EVL: variants seen among roughly 807,000 people sequenced by gnomAD.
EVL encodes the protein Enah/Vasp-like, also known as ena/VASP-like protein.
A neutral mutation model predicts 59.6 loss-of-function variants in EVL; 21 were observed. That is an observed-to-expected ratio of 0.35 (90% confidence interval 0.25 to 0.51). The LOEUF is 0.51. EVL is among the 20% of genes least tolerant of loss of function. EVL has a pLI of 0.97. For synonymous variants in EVL, 198 were observed against 203.5 expected (o/e 0.97, Z 0.23); for missense variants, 462 against 546.6 (o/e 0.85, Z 1.54).
At position 100,006,324 on chromosome 14, in the gene EVL, G is replaced by A. The variant is rs375492508; in HGVS notation, c.5+34267G>A. 1.0e-3 allele frequency among the ~76,000 whole-genome samples: 148 copies of A among 142,722 alleles called. 2 individuals are homozygous for A. Among genetic ancestry groups the A allele is most frequent in the African/African-American group, 3.5e-3 (134 of 38,048 alleles). 93.6% of individuals were successfully genotyped at this position (142,722 alleles called of 152,430 possible). A position where few individuals can be genotyped will look rare whatever the true frequency, so the allele number is the denominator to read the frequency against. On this transcript the variant is annotated intron_variant, in intron 1 of 13. Coordinates refer to the EVL transcript ENST00000402714. Reference sequence around the variant, plus strand: ...TTTTGAGACAGAGTTTCGTTCTGTCGCCCAGGCTGAAGTGCAGTGGTGCGA... The same window carrying A: ...TTTTGAGACAGAGTTTCGTTCTGTCACCCAGGCTGAAGTGCAGTGGTGCGA...
At chr14:100,017,986 C>T (rs2061065083) in intron 1 of EVL, among the ~76,000 whole-genome samples, 1 of 152,248 alleles carries the variant, frequency 6.6e-6, no homozygotes, top group South Asian at 2.1e-4. Context: ...AATGCATGTA[C>T]TGGATCACTC....
At chr14:100,093,856 A>C (rs1336913201) in intron 2 of EVL, among the ~76,000 whole-genome samples, 1 of 152,222 alleles carries the variant, frequency 6.6e-6, no homozygotes, top group Non-Finnish European at 1.5e-5. Flanking sequence ...CTGCAGGCTG[A>C]AAATATTAAT....
rs191576980 is a variant in EVL at position 100,081,212 on chromosome 14, C to T, written c.12-3475C>T. 9.0e-4 allele frequency among the ~76,000 whole-genome samples: 137 copies of T among 152,158 alleles called. 3 individuals carry two copies. In the East Asian group the frequency reaches 0.025, roughly 28 times the overall value. ...ATGCCTAGGGAGGGTGTGTATGATA[C>T]AGAGTTTGAGTATTTATCCAGGTGA... On this transcript the variant is annotated intron_variant, in intron 1 of 13. Coordinates refer to ENST00000392920, the MANE Select transcript of EVL (RefSeq NM_016337.3).
chr14:100,119,610 A>G (rs1420565179), intron 3 of EVL, among the ~76,000 whole-genome samples: 2 of 152,246 alleles, frequency 1.3e-5, no homozygotes, highest in Admixed American at 6.5e-5. Flanking sequence ...TTCCCGTCCA[A>G]CTCAGCAGAA....
At chr14:100,112,670 A>G (rs1216439170) in intron 3 of EVL, among the ~76,000 whole-genome samples, 2 of 152,102 alleles carry the variant, frequency 1.3e-5, no homozygotes, top group African/African-American at 4.8e-5. Context: ...TTTCTCCCCA[A>G]AACCTCAGGG....
At chr14:100,023,797 C>G (rs2061167278) in intron 1 of EVL, among the ~76,000 whole-genome samples, 1 of 152,140 alleles carries the variant, frequency 6.6e-6, no homozygotes, top group Non-Finnish European at 1.5e-5. Context: ...CTTAGACATC[C>G]TTCTACTGAA....
intron 1 of EVL, among the ~76,000 whole-genome samples, chr14:99,976,426 A>G (rs2060770676): frequency 6.6e-6 from 1 of 152,036 alleles, no homozygotes; most frequent in Non-Finnish European, 1.5e-5. Flanking sequence ...CTCCTTTAAC[A>G]TAGTATGTGT....
chr14:100,023,607 A>G (rs1025010849), intron 1 of EVL, among the ~76,000 whole-genome samples: 3 of 151,680 alleles, frequency 2.0e-5, no homozygotes, highest in South Asian at 4.2e-4. Context: ...GATTACAGAC[A>G]TGAGCCACCG....
intron 2 of EVL, among the ~76,000 whole-genome samples, chr14:100,091,850 G>C (rs1473750880): frequency 6.6e-6 from 1 of 152,162 alleles, no homozygotes; most frequent in Non-Finnish European, 1.5e-5. Flanking sequence ...CGTGGAACCT[G>C]ATGCTGTCTC....
chr14:100,006,877 CAG>C (rs908624046), intron 1 of EVL, among the ~76,000 whole-genome samples: 4 of 150,308 alleles, frequency 2.7e-5, no homozygotes, highest in Admixed American at 6.6e-5. Context: ...TTTGGGAAAT[CAG>C]AGATTCTCTG....
intron 1 of EVL, chr14:99,975,132 A>T (rs2060761695): frequency 6.6e-6 from 1 of 152,260 alleles, no homozygotes; most frequent in South Asian, 2.1e-4. Context: ...CTCCCACTGC[A>T]CTGGTCTCAT....
intron 1 of EVL, chr14:100,052,679 G>A (rs1192626922): frequency 1.3e-5 from 2 of 152,060 alleles, no homozygotes; most frequent in Non-Finnish European, 2.9e-5. Flanking sequence ...CTTGAACCCA[G>A]GAGGCAGAGG....
intron 2 of EVL, among the ~76,000 whole-genome samples, chr14:100,086,823 C>T (rs562182883): frequency 6.6e-6 from 1 of 152,290 alleles, no homozygotes; most frequent in African/African-American, 2.4e-5. Flanking sequence ...AGGAGACAGG[C>T]TATCAGACAG....
At position 100,128,759 on chromosome 14, in the gene EVL, C is replaced by T. The variant is rs1888247888; in HGVS notation, c.717+11C>T. The T allele has an allele frequency of 6.2e-7, 1 of 1,601,130 alleles. No individual in the cohort carries two copies. Among genetic ancestry groups the T allele is most frequent in the Non-Finnish European group, 8.5e-7 (1 of 1,178,480 alleles). ...AGAAGAGTCCAACGGGTAAGAGCTCCTGTGTGCGGGGTGGGAATGGGACCG... is the reference window on the plus strand; with the variant it reads ...AGAAGAGTCCAACGGGTAAGAGCTCTTGTGTGCGGGGTGGGAATGGGACCG... On this transcript the variant is annotated intron_variant, in intron 6 of 13. Coordinates refer to ENST00000392920, the MANE Select transcript of EVL (RefSeq NM_016337.3).
chr14:100,001,201 C>G (rs1459581623), intron 1 of EVL, among the ~76,000 whole-genome samples: 1 of 152,064 alleles, frequency 6.6e-6, no homozygotes, highest in East Asian at 1.9e-4. Flanking sequence ...GTTTAGTTGT[C>G]TGGATTAAGT....
intron 1 of EVL, among the ~76,000 whole-genome samples, chr14:100,032,218 G>T (rs2061324830): frequency 6.6e-6 from 1 of 152,178 alleles, no homozygotes; most frequent in Admixed American, 6.5e-5. Flanking sequence ...GTACCTTGGA[G>T]CACTTCCAAA....
chr14:99,995,468 A>G (rs1328657508), intron 1 of EVL, among the ~76,000 whole-genome samples: 1 of 151,358 alleles, frequency 6.6e-6, no homozygotes, highest in African/African-American at 2.4e-5. Context: ...CTTTGTTGAT[A>G]TTCTCATTTT....
intron 1 of EVL, among the ~76,000 whole-genome samples, chr14:100,065,824 C>T (rs2061918904): frequency 6.6e-6 from 1 of 152,122 alleles, no homozygotes; most frequent in African/African-American, 2.4e-5. Context: ...TCTGAGCCAT[C>T]TAGGGGAATT....
At position 100,000,715 on chromosome 14, in the gene EVL, C is replaced by T. The variant is rs147388502; in HGVS notation, c.5+28658C>T. ...TTTATCTCAGTGAGCTGAGGGATGA[C>T]TTTGAATAGAATGGTAGGCAGGTTT... On this transcript the variant is annotated intron_variant, in intron 1 of 13. Transcript: ENST00000402714. Among the ~76,000 whole-genome samples, 852 of 152,220 alleles carry T rather than the reference C, an allele frequency of 5.6e-3. 7 individuals carry two copies. Among genetic ancestry groups the T allele is most frequent in the African/African-American group, 0.019 (802 of 41,520 alleles).
Sources: gnomAD v4.1 joint callset for allele counts (sites outside exome capture counted in the v4.1 genomes callset) on GRCh38, gnomAD v4.1.1 for gene constraint, MANE v1.5 for transcripts, NCBI Gene and HGNC (gene_info 2026-07-23, HGNC 2026-07-21) for gene names.